The following AHDC1 variants were observed in gnomAD, a reference collection of about 807,000 sequenced individuals.
AHDC1 encodes AT-hook DNA binding motif containing 1, also known as transcription factor Gibbin.
Under a neutral mutation model 87.9 loss-of-function variants are expected in AHDC1, and 7 were observed. The observed-to-expected ratio is 0.08, with a 90% CI of 0.05 to 0.15. The LOEUF (loss-of-function observed/expected upper bound fraction) is 0.15, where lower values mean the gene tolerates loss of function less well. Ranked by LOEUF, AHDC1 falls within the 10% of genes least tolerant of loss-of-function variation. The probability of loss-of-function intolerance (pLI) is 1.00; values close to 1 mark genes in which losing one functional copy is unlikely to be tolerated. For missense variants in AHDC1, 1,841 were observed against 2,253.2 expected (o/e 0.82, Z 3.70); for synonymous variants, 1,051 against 1,006.8 (o/e 1.04, Z -0.83).
At position 27,598,416 on chromosome 1, in the gene AHDC1, AT is replaced by A. The variant is rs969319814; in HGVS notation, c.-629+4980del. On this transcript the variant is annotated intron_variant, in intron 3 of 8. Transcript: ENST00000673934. The surrounding 1 kb of genome is among the most constrained non-coding windows in gnomAD (Gnocchi z 4.2). Reference sequence around the variant, plus strand: ...GGGATCCTTGATGCCCACCTTCCTCATCCCCTGGCCAATGGAAGAGATGCTG... The same window carrying A: ...GGGATCCTTGATGCCCACCTTCCTCACCCCTGGCCAATGGAAGAGATGCTG... 1.6e-4 allele frequency among the ~76,000 whole-genome samples: 25 copies of A among 152,058 alleles called. No homozygotes were observed. Among genetic ancestry groups the A allele is most frequent in the African/African-American group, 5.3e-4 (22 of 41,398 alleles).
rs1214093416 is a variant in AHDC1, at chr1:27,547,343, T to C, written c.4773A>G (p.Glu1591=). ...PKSGFLGPMA[E]PHPEDTFTVT... is the part of the protein sequence containing the mutation. Reference sequence around the variant, plus strand: ...CGGTGAATGTGTCCTCGGGGTGAGGTTCCGCCATGGGCCCCAGGAAGCCGC... The same window carrying C: ...CGGTGAATGTGTCCTCGGGGTGAGGCTCCGCCATGGGCCCCAGGAAGCCGC... Residue 1591 remains glutamate (E), a synonymous_variant, in exon 8 of 9, where the codon GAA becomes GAG. Coordinates refer to ENST00000673934, the MANE Select transcript of AHDC1 (RefSeq NM_001371928.1). This position sits in a 1 kb window ranked among gnomAD's most constrained non-coding sequence, Gnocchi z 4.9. The C allele has an allele frequency of 1.9e-6, 3 of 1,554,702 alleles. No individual in the cohort carries two copies. Among genetic ancestry groups the C allele is most frequent in the East Asian group, 4.5e-5 (2 of 44,468 alleles).
chr1:27,577,776 C>G (rs1364192825), intron 3 of AHDC1, among the ~76,000 whole-genome samples: 4 of 152,226 alleles, frequency 2.6e-5, no homozygotes, highest in Admixed American at 2.0e-4. Context: ...CTCCCCTCCC[C>G]CTGACCTGCC....
rs554688754 is a variant in AHDC1 at position 27,595,447 on chromosome 1, T to C, written c.-629+7950A>G. Among the ~76,000 whole-genome samples the C allele has an allele frequency of 3.9e-4, 59 of 149,756 alleles. No homozygotes were observed. Among genetic ancestry groups the C allele is most frequent in the African/African-American group, 1.4e-3 (55 of 40,224 alleles). ...GGGGGTTGATATGCTGAGGGTGTGA[T>C]AGCTGTGTGTGTGTGTGTGTGTGAT... is the stretch of plus-strand genomic sequence containing the variant. On this transcript the variant is annotated intron_variant, in intron 3 of 8. Transcript: ENST00000673934. The surrounding 1 kb of genome is among the most constrained non-coding windows in gnomAD (Gnocchi z 4.0).
rs765994795 is a variant in AHDC1, at chr1:27,550,441, C to T, written c.1675G>A (p.Gly559Ser). Residue 559 changes from glycine (G) to serine (S), a missense_variant, in exon 8 of 9, where the codon GGC becomes AGC. This residue lies in a region of AHDC1 where 84 missense variants were observed against 111.7 expected (regional missense o/e 0.75). Transcript: ENST00000673934. ...ACCACAGCTGGCTCCTTGGGCTTGCCGGGACCCAGCAGCAGGTTCTTAGGA... is the reference window on the plus strand; with the variant it reads ...ACCACAGCTGGCTCCTTGGGCTTGCTGGGACCCAGCAGCAGGTTCTTAGGA... ...RPPKNLLLGP[G>S]KPKEPAVVAA... 64 of 1,608,522 alleles carry T rather than the reference C, an allele frequency of 4.0e-5. No individual in the cohort carries two copies. The Middle Eastern group carries it at 1.7e-3, about 41-fold the overall frequency.
intron 3 of AHDC1, among the ~76,000 whole-genome samples, chr1:27,580,021 G>C (rs1382691115): frequency 6.6e-6 from 1 of 152,094 alleles, no homozygotes; most frequent in Non-Finnish European, 1.5e-5. Flanking sequence ...CTCTGATCTC[G>C]GCAGATGGGC....
intron 5 of AHDC1, chr1:27,553,660 A>AC (rs2019676356): frequency 1.3e-5 from 2 of 152,178 alleles, no homozygotes; most frequent in African/African-American, 4.8e-5. Context: ...TACAGAAACT[A>AC]CCCCCTGGAA....
At chr1:27,543,865 C>T (rs1194456231) in intron 8 of AHDC1, among the ~76,000 whole-genome samples, 1 of 152,056 alleles carries the variant, frequency 6.6e-6, no homozygotes, top group East Asian at 1.9e-4. Flanking sequence ...ATCGCTTGAA[C>T]CCAGGAGGCA....
At chr1:27,566,821 G>T (rs376603462) in intron 3 of AHDC1, among the ~76,000 whole-genome samples, 1 of 130,428 alleles carries the variant, frequency 7.7e-6, no homozygotes, top group Non-Finnish European at 1.6e-5. Flanking sequence ...AGGGTGGGGG[G>T]AAGAAGGAGC....
At chr1:27,584,321 C>T (rs763384193) in intron 3 of AHDC1, among the ~76,000 whole-genome samples, 2 of 151,980 alleles carry the variant, frequency 1.3e-5, no homozygotes, top group Non-Finnish European at 2.9e-5. Flanking sequence ...TAGATGGATG[C>T]TCACTGAGCC....
chr1:27,603,673 GCA>G (rs1312234029), intron 2 of AHDC1, 53 bp downstream of exon 2: 1 of 103,388 alleles, frequency 9.7e-6, no homozygotes, highest in African/African-American at 4.0e-5. Context: ...CTCCCGCCGC[GCA>G]CACACTCTCC....
At chr1:27,545,876 G>C (rs1338032622) in intron 8 of AHDC1, among the ~76,000 whole-genome samples, 1 of 152,214 alleles carries the variant, frequency 6.6e-6, no homozygotes, top group Non-Finnish European at 1.5e-5. Context: ...CTTGGTCAAG[G>C]GCATGTGGGA....
At chr1:27,575,994 G>T (rs949121233) in intron 3 of AHDC1, among the ~76,000 whole-genome samples, 1 of 152,084 alleles carries the variant, frequency 6.6e-6, no homozygotes. Flanking sequence ...GCCCGGCAGC[G>T]GTCCGGACCT....
chr1:27,601,933 G>A (rs982932574), intron 3 of AHDC1, among the ~76,000 whole-genome samples: 10 of 152,194 alleles, frequency 6.6e-5, no homozygotes, highest in Non-Finnish European at 1.3e-4. Context: ...CTCACACCCT[G>A]AGCTCTGCCC....
chr1:27,589,105 TG>T (rs2089150522), intron 3 of AHDC1, among the ~76,000 whole-genome samples: 2 of 147,794 alleles, frequency 1.4e-5, no homozygotes, highest in South Asian at 4.3e-4. Context: ...GTGCCAGAGG[TG>T]GGGGCTGGCC....
At chr1:27,535,393 A>G (rs1365407540) in intron 8 of AHDC1, among the ~76,000 whole-genome samples, 2 of 152,174 alleles carry the variant, frequency 1.3e-5, no homozygotes, top group East Asian at 1.9e-4. Context: ...CCTTAAGTGC[A>G]TAATAAATTA....
chr1:27,543,366 C>T (rs1306600430), intron 8 of AHDC1, among the ~76,000 whole-genome samples: 1 of 152,232 alleles, frequency 6.6e-6, no homozygotes, highest in Admixed American at 6.5e-5. Context: ...GATGTCTGCA[C>T]AGGGCCAAGG....
rs1196900727 is a variant in AHDC1 at position 27,598,393 on chromosome 1, G to A, written c.-629+5004C>T. 6.6e-6 allele frequency among the ~76,000 whole-genome samples: 1 copy of A among 152,230 alleles called. No individual in the cohort carries two copies. The highest frequency in any genetic ancestry group is 1.5e-5 in the Non-Finnish European group (1 of 68,018). ...CCGGAGCCAGGCCCTGCAGGAGAGG[G>A]ATCCTTGATGCCCACCTTCCTCATC... On this transcript the variant is annotated intron_variant, in intron 3 of 8. Coordinates refer to ENST00000673934, the MANE Select transcript of AHDC1 (RefSeq NM_001371928.1). The surrounding 1 kb of genome is among the most constrained non-coding windows in gnomAD (Gnocchi z 4.2).
Position 27,550,305 on chromosome 1 carries a change from T to C in AHDC1, c.1811A>G (p.Asp604Gly). The C allele has an allele frequency of 1.9e-6, 3 of 1,614,082 alleles. No individual in the cohort carries two copies. The highest frequency in any genetic ancestry group is 8.5e-7 in the Non-Finnish European group (1 of 1,179,986). ...LASPQPSYAA[D>G]ANDSKAEYSD... ...GTACTCGGCCTTGCTGTCGTTGGCG[T>C]CTGCTGCATAGGATGGCTGGGGAGA... The change falls in exon 8 of 9, where the codon GAC (aspartate) becomes GGC (glycine). Residue 604 changes from aspartate (D) to glycine (G), a missense_variant. This residue lies in a region of AHDC1 where 84 missense variants were observed against 111.7 expected (regional missense o/e 0.75). Coordinates refer to ENST00000673934, the MANE Select transcript of AHDC1 (RefSeq NM_001371928.1).
In AHDC1 at chr1:27,558,902, C is replaced by A; in HGVS notation, c.-628-19G>T. 1 of 398,728 alleles carries A rather than the reference C, an allele frequency of 2.5e-6. No homozygotes were observed. The highest frequency in any genetic ancestry group is 4.4e-6 in the Non-Finnish European group (1 of 226,128). The allele number at this position is 398,728 out of a possible 1,614,324, so 24.7% of individuals were successfully genotyped here. On this transcript the variant is annotated intron_variant, in intron 3 of 8. Coordinates refer to ENST00000673934, the MANE Select transcript of AHDC1 (RefSeq NM_001371928.1). This position sits in a 1 kb window ranked among gnomAD's most constrained non-coding sequence, Gnocchi z 5.6. ...CTCCCATCTGTGGAAGCAAACACAG[C>A]ACCACAGAGATAAGCATGGACACAG...
Sources: allele counts gnomAD v4.1 joint callset (sites outside exome capture counted in the v4.1 genomes callset), GRCh38; gene constraint gnomAD v4.1.1; regional missense constraint gnomAD v4.1.1; non-coding constraint Gnocchi (gnomAD v3.1); transcripts MANE v1.5; gene names NCBI Gene and HGNC (gene_info 2026-07-23, HGNC 2026-07-21).